Variants in TADA3 observed in about 807,000 individuals in gnomAD.
TADA3 encodes transcriptional adapter 3.
In TADA3, 25 loss-of-function variants were observed where a neutral mutation model predicts 43.2. The observed-to-expected ratio is 0.58, with a 90% CI of 0.42 to 0.81. The LOEUF (loss-of-function observed/expected upper bound fraction) is 0.81, where lower values mean the gene tolerates loss of function less well. TADA3 is among the 30% of genes least tolerant of loss of function. TADA3 has a pLI of 0.00. For missense variants in TADA3, 441 were observed against 567.8 expected, an observed-to-expected ratio of 0.78 and a Z score of 2.27; for synonymous variants, 235 against 225.5, an observed-to-expected ratio of 1.04 and a Z score of -0.38.
intron 8 of TADA3, 49 bp downstream of exon 8, chr3:9,783,979 C>CA: frequency 6.4e-7 from 1 of 1,569,298 alleles, no homozygotes. Context: ...TAGCCGTGGC[C>CA]ACAGCCTCCA....
At chr3:9,784,864 CAA>C (rs56673103) in intron 7 of TADA3, among the ~76,000 whole-genome samples, 6 of 97,344 alleles carry the variant, frequency 6.2e-5, no homozygotes, top group Non-Finnish European at 4.3e-5. Context: ...GACTCCATCT[CAA>C]AAAAAAAAAA....
rs73113563 is a variant in TADA3 at position 9,787,651 on chromosome 3, C to T, written c.565-311G>A. 1,274 of 1,384,754 alleles carry T rather than the reference C, an allele frequency of 9.2e-4. 8 individuals are homozygous for T. In the African/African-American group the frequency reaches 0.016, roughly 17 times the overall value. The allele number at this position is 1,384,754 out of a possible 1,614,324, so 85.8% of individuals were successfully genotyped here. Reference sequence around the variant, plus strand: ...AATTGCCTCTCGAGAGAATTAGGAGCCTTCAGGTCACGGGTGACAGGGAAT... The same window carrying T: ...AATTGCCTCTCGAGAGAATTAGGAGTCTTCAGGTCACGGGTGACAGGGAAT... On this transcript the variant is annotated intron_variant, in intron 4 of 8. Transcript: ENST00000301964.
At position 9,780,524 on chromosome 3, in the gene TADA3, G is replaced by A. The variant is rs766659888; in HGVS notation, c.1132C>T (p.Gln378Ter). ...LRLAKEEVSR[Q>*]ELRQRVRMAD... is the part of the protein sequence containing the mutation. ...ATGCGCACCCGCTGCCTCAGCTCCT[G>A]CCGGCTCACCTCCTCCTTTGCCAGC... The change falls in exon 9 of 9, where the codon CAG (glutamine) becomes TAG (stop). Residue 378 changes from glutamine to a stop codon, truncating the protein, a stop_gained. Coordinates refer to ENST00000301964, the MANE Select transcript of TADA3 (RefSeq NM_006354.5). LOFTEE classifies it high-confidence loss of function. 2 of 1,605,224 alleles carry A rather than the reference G, an allele frequency of 1.2e-6. No individual in the cohort carries two copies. The highest frequency in any genetic ancestry group is 1.7e-6 in the Non-Finnish European group (2 of 1,179,832).
intron 7 of TADA3, 22 bp downstream of exon 7, chr3:9,785,294 T>C: frequency 6.3e-7 from 1 of 1,582,454 alleles, no homozygotes; most frequent in Non-Finnish European, 8.7e-7. Flanking sequence ...AGACTGTGGG[T>C]TGTGGATAGG....
chr3:9,784,022 G>A lies in TADA3; in HGVS notation c.1106+6C>T, dbSNP rs1262475630. ...CCCCGGGACTGTGCATCCTGCTAAC[G>A]CTCACCTCAGCAGGTCGTGCTTCTT... is the stretch of plus-strand genomic sequence containing the variant. On this transcript the variant is annotated splice_donor_region_variant and intron_variant, in intron 8 of 8. Coordinates refer to ENST00000301964, the MANE Select transcript of TADA3 (RefSeq NM_006354.5). 7.4e-6 allele frequency: 12 copies of A among 1,612,102 alleles called. No individual in the cohort carries two copies. Among genetic ancestry groups the A allele is most frequent in the Admixed American group, 1.7e-5 (1 of 59,940 alleles).
At chr3:9,788,878 C>T (rs1434859093) in intron 4 of TADA3, among the ~76,000 whole-genome samples, 1 of 151,250 alleles carries the variant, frequency 6.6e-6, no homozygotes, top group Non-Finnish European at 1.5e-5. Context: ...CTCTGTTGCC[C>T]AGGCTGGAGT....
chr3:9,789,442 T>G, intron 4 of TADA3, 67 bp downstream of exon 4: 4 of 1,454,636 alleles, frequency 2.7e-6, no homozygotes, highest in Non-Finnish European at 3.8e-6. Flanking sequence ...CTTTGGTAGC[T>G]TTACTTCTCA....
intron 6 of TADA3, 129 bp from the exon 7 acceptor site, chr3:9,785,554 A>C: frequency 1.6e-6 from 1 of 644,218 alleles, no homozygotes; most frequent in South Asian, 2.1e-5. Flanking sequence ...CTACCGTGGG[A>C]AGCCTTCCCA....
Position 9,792,333 on chromosome 3 carries a change from C to A in TADA3, c.-145G>T, listed in dbSNP as rs2078757302. The A allele has an allele frequency of 3.8e-6, 1 of 263,102 alleles. No homozygotes were observed. Among genetic ancestry groups the A allele is most frequent in the Non-Finnish European group, 6.0e-6 (1 of 166,748 alleles). The allele number at this position is 263,102 out of a possible 1,614,324, so 16.3% of individuals were successfully genotyped here. A position where few individuals can be genotyped will look rare whatever the true frequency, so the allele number is the denominator to read the frequency against. ...CCGCCCGGGGGTCGCCCAAATGTCC[C>A]GCCTTCAGAGTCCTCGTTCTCTAGG... is the stretch of plus-strand genomic sequence containing the variant. On this transcript the variant is annotated 5_prime_UTR_variant, in exon 1 of 9. Coordinates refer to ENST00000301964, the MANE Select transcript of TADA3 (RefSeq NM_006354.5).
chr3:9,780,839 C>T (rs1020597997), intron 8 of TADA3, among the ~76,000 whole-genome samples: 1 of 152,156 alleles, frequency 6.6e-6, no homozygotes, highest in Non-Finnish European at 1.5e-5. Flanking sequence ...TAAAACTGCT[C>T]TAGAAGAATA....
chr3:9,780,063 T>G lies in TADA3; in HGVS notation c.*294A>C. The G allele has an allele frequency of 2.6e-5, 8 of 304,010 alleles. No individual in the cohort carries two copies. Among genetic ancestry groups the G allele is most frequent in the Non-Finnish European group, 3.6e-5 (6 of 164,638 alleles). The allele number at this position is 304,010 out of a possible 1,614,324, so 18.8% of individuals were successfully genotyped here. On this transcript the variant is annotated 3_prime_UTR_variant, in exon 9 of 9. Coordinates refer to ENST00000301964, the MANE Select transcript of TADA3 (RefSeq NM_006354.5). ...TTGAAGGGGAGACAGGGGTAGGGGATTAGGGAGTGGGGGATGGTAAAGAGG... is the reference window on the plus strand; with the variant it reads ...TTGAAGGGGAGACAGGGGTAGGGGAGTAGGGAGTGGGGGATGGTAAAGAGG...
upstream of TADA3, chr3:9,792,610 A>C: frequency 8.1e-7 from 1 of 1,230,260 alleles, no homozygotes; most frequent in Non-Finnish European, 1.0e-6. Context: ...GGTCGGCCTC[A>C]GGCGAGCCCC....
intron 8 of TADA3, among the ~76,000 whole-genome samples, 186 bp from the exon 9 acceptor site, chr3:9,780,735 T>A (rs1052344848): frequency 1.3e-5 from 2 of 152,342 alleles, no homozygotes; most frequent in South Asian, 4.1e-4. Context: ...CTGAAAAATA[T>A]TAACTCATGT....
At chr3:9,781,368 A>C (rs1355864925) in intron 8 of TADA3, 1 of 391,622 alleles carries the variant, frequency 2.6e-6, no homozygotes, top group Admixed American at 2.7e-5. Flanking sequence ...TAATCCTAAC[A>C]ACCCTGCAAA....
At chr3:9,787,753 T>C (rs1161638066) in intron 4 of TADA3, 1 of 1,265,018 alleles carries the variant, frequency 7.9e-7, no homozygotes, top group Non-Finnish European at 1.0e-6. Flanking sequence ...ATCAGATAAG[T>C]GAAGTGAAAG....
At chr3:9,784,359 G>A (rs537677494) in intron 7 of TADA3, 146 bp from the exon 8 acceptor site, 30 of 1,071,644 alleles carry the variant, frequency 2.8e-5, no homozygotes, top group African/African-American at 2.4e-4. Flanking sequence ...CAAAGGGAGG[G>A]ACAGACACAT....
intron 8 of TADA3, chr3:9,783,262 T>A (rs1160340903): frequency 6.6e-6 from 1 of 151,402 alleles, no homozygotes; most frequent in Non-Finnish European, 1.5e-5. Flanking sequence ...CACAACAATG[T>A]GAATATGGGT....
At chr3:9,792,505 G>A (rs2078763813), upstream of TADA3, 9 of 1,217,788 alleles carry the variant, frequency 7.4e-6, no homozygotes, top group Non-Finnish European at 8.2e-6. Context: ...AGTTGACGCG[G>A]GGGCGGGGAG....
chr3:9,785,127 G>T (rs777226206), intron 7 of TADA3, among the ~76,000 whole-genome samples, 189 bp downstream of exon 7: 1 of 152,170 alleles, frequency 6.6e-6, no homozygotes, highest in Non-Finnish European at 1.5e-5. Flanking sequence ...GAACAGTTCT[G>T]TGCTGAACAA....
Sources: allele counts gnomAD v4.1 joint callset (sites outside exome capture counted in the v4.1 genomes callset), GRCh38; gene constraint gnomAD v4.1.1; transcripts MANE v1.5; gene names NCBI Gene and HGNC (gene_info 2026-07-23, HGNC 2026-07-21).